CTNND2: variants seen among roughly 807,000 people sequenced by gnomAD.
CTNND2 encodes catenin delta 2, also known as catenin delta-2.
Under a neutral mutation model 144.4 loss-of-function variants are expected in CTNND2, and 22 were observed. The ratio of observed to expected loss-of-function variants is 0.15; its 90% confidence interval spans 0.11 to 0.22. CTNND2 has a LOEUF of 0.22. Ranked by LOEUF, CTNND2 falls within the 10% of genes least tolerant of loss-of-function variation. The probability of loss-of-function intolerance (pLI) is 1.00; values close to 1 mark genes in which losing one functional copy is unlikely to be tolerated. For missense variants in CTNND2, 1,353 were observed against 1,618.8 expected (o/e 0.84, Z 2.82); for synonymous variants, 751 against 695.6 (o/e 1.08, Z -1.25).
chr5:11,643,332 C>T (rs1418628173), intron 2 of CTNND2, among the ~76,000 whole-genome samples: 2 of 149,348 alleles, frequency 1.3e-5, no homozygotes, highest in South Asian at 4.2e-4. Context: ...TGTGCTGCAC[C>T]CATTAACTCG....
chr5:11,423,460 T>G (rs1762530590), intron 3 of CTNND2, among the ~76,000 whole-genome samples: 1 of 152,184 alleles, frequency 6.6e-6, no homozygotes. Context: ...ACATTTCAAG[T>G]TTCACTCTTT....
intron 7 of CTNND2, among the ~76,000 whole-genome samples, chr5:11,383,588 G>C (rs976665560): frequency 2.0e-5 from 3 of 152,162 alleles, no homozygotes; most frequent in African/African-American, 7.2e-5. Context: ...GGCCAGGCCA[G>C]TCCACACTGG....
chr5:11,320,944 A>C (rs577581100), intron 9 of CTNND2, among the ~76,000 whole-genome samples: 2 of 152,354 alleles, frequency 1.3e-5, no homozygotes, highest in South Asian at 4.1e-4. Flanking sequence ...AGCTTTACAC[A>C]ATCTATTTTT....
intron 2 of CTNND2, among the ~76,000 whole-genome samples, chr5:11,670,682 A>C (rs1409918095): frequency 2.3e-5 from 3 of 132,898 alleles, no homozygotes; most frequent in African/African-American, 1.2e-4. Context: ...TCCATATGAG[A>C]TGGTCTCCTG....
At chr5:11,159,003 T>C (rs1406453765) in intron 12 of CTNND2, among the ~76,000 whole-genome samples, 2 of 152,224 alleles carry the variant, frequency 1.3e-5, no homozygotes, top group African/African-American at 4.8e-5. Flanking sequence ...CTGATGATTT[T>C]TGTGAAAAAC....
At chr5:11,470,371 T>C (rs1197750220) in intron 3 of CTNND2, among the ~76,000 whole-genome samples, 2 of 152,054 alleles carry the variant, frequency 1.3e-5, no homozygotes, top group African/African-American at 4.8e-5. Context: ...GAGGCGGAGA[T>C]TTGGTGAGCC....
At chr5:11,091,235 TC>T (rs991310318) in intron 15 of CTNND2, among the ~76,000 whole-genome samples, 1 of 152,196 alleles carries the variant, frequency 6.6e-6, no homozygotes, top group Non-Finnish European at 1.5e-5. Flanking sequence ...TCTATTGTCT[TC>T]AAGTTCACTG....
chr5:11,618,287 G>A (rs1015718669), intron 2 of CTNND2, among the ~76,000 whole-genome samples: 16 of 152,008 alleles, frequency 1.1e-4, no homozygotes, highest in Non-Finnish European at 1.2e-4. Flanking sequence ...ACTACACTGT[G>A]GAATCAAAGA....
chr5:11,149,951 T>G (rs927201687), intron 12 of CTNND2, among the ~76,000 whole-genome samples: 2 of 152,184 alleles, frequency 1.3e-5, no homozygotes, highest in Non-Finnish European at 2.9e-5. Flanking sequence ...GAACAAGAAC[T>G]TACAAGACTT....
intron 20 of CTNND2, chr5:10,986,694 G>A (rs1308114312): frequency 1.1e-5 from 5 of 456,124 alleles, no homozygotes; most frequent in East Asian, 6.9e-5. Context: ...CAGGAGCAGC[G>A]CTGAGGTGTT....
chr5:11,608,545 C>T (rs890542030), intron 2 of CTNND2, among the ~76,000 whole-genome samples: 1 of 152,148 alleles, frequency 6.6e-6, no homozygotes, highest in East Asian at 1.9e-4. Context: ...AGCCTCTTTC[C>T]CCCTACCCCA....
intron 3 of CTNND2, among the ~76,000 whole-genome samples, chr5:11,434,707 G>A (rs1763603098): frequency 6.6e-6 from 1 of 152,176 alleles, no homozygotes; most frequent in Admixed American, 6.5e-5. Context: ...AATGTAGGTA[G>A]TAGAGGGCTT....
At chr5:11,701,529 T>C (rs751432337) in intron 2 of CTNND2, among the ~76,000 whole-genome samples, 23 of 152,236 alleles carry the variant, frequency 1.5e-4, no homozygotes, top group Non-Finnish European at 2.9e-4. Flanking sequence ...GCTAGAATTA[T>C]GAAATACAGA....
intron 16 of CTNND2, among the ~76,000 whole-genome samples, chr5:11,047,179 G>GA (rs1478738675): frequency 6.6e-6 from 1 of 152,166 alleles, no homozygotes; most frequent in Non-Finnish European, 1.5e-5. Flanking sequence ...TCTTGGAAAT[G>GA]AAAGATTACT....
At chr5:11,112,303 A>C (rs927047351) in intron 13 of CTNND2, among the ~76,000 whole-genome samples, 2 of 152,314 alleles carry the variant, frequency 1.3e-5, no homozygotes, top group Non-Finnish European at 2.9e-5. Flanking sequence ...TGTACGTCAA[A>C]GAGGAAGTCA....
At chr5:11,271,704 T>A (rs1746030945) in intron 9 of CTNND2, among the ~76,000 whole-genome samples, 1 of 152,170 alleles carries the variant, frequency 6.6e-6, no homozygotes, top group African/African-American at 2.4e-5. Context: ...GTTGTACCTT[T>A]AAATATCTCA....
intron 8 of CTNND2, among the ~76,000 whole-genome samples, chr5:11,356,860 T>G (rs1234729526): frequency 6.8e-6 from 1 of 148,122 alleles, no homozygotes; most frequent in South Asian, 2.1e-4. Flanking sequence ...GATTTTAAAA[T>G]GTGCAAAAGA....
At chr5:10,994,984 C>T (rs757921837) in intron 18 of CTNND2, among the ~76,000 whole-genome samples, 20 of 152,070 alleles carry the variant, frequency 1.3e-4, no homozygotes, top group South Asian at 1.0e-3. Flanking sequence ...CTGAGGTCCC[C>T]TTCACTGAGC....
intron 3 of CTNND2, among the ~76,000 whole-genome samples, chr5:11,446,262 C>T (rs372118212): frequency 1.4e-4 from 22 of 152,216 alleles, no homozygotes; most frequent in African/African-American, 4.3e-4. Flanking sequence ...CGTGAGTCAC[C>T]GTGCCCAGTA....
Sources: gnomAD v4.1 joint callset for allele counts (sites outside exome capture counted in the v4.1 genomes callset) on GRCh38, gnomAD v4.1.1 for gene constraint, MANE v1.5 for transcripts, NCBI Gene and HGNC (gene_info 2026-07-23, HGNC 2026-07-21) for gene names.